DNAI7: variants seen among roughly 807,000 people sequenced by gnomAD.
DNAI7 encodes dynein axonemal intermediate chain 7.
DNAI7 carries 78 observed loss-of-function variants against 86.6 expected under a neutral mutation model. The observed-to-expected ratio is 0.90, with a 90% CI of 0.75 to 1.09. The LOEUF is 1.09. Ranked by LOEUF, DNAI7 falls within the 50% of genes least tolerant of loss-of-function variation. The pLI is 0.00. For synonymous variants in DNAI7, 274 were observed against 273.0 expected (o/e 1.00, Z -0.04); for missense variants, 753 against 810.2 (o/e 0.93, Z 0.86).
chr12:25,108,528 A>G lies in DNAI7; in HGVS notation c.*20T>C. The G allele has an allele frequency of 1.2e-6, 2 of 1,601,448 alleles. No homozygotes were observed. Among genetic ancestry groups the G allele is most frequent in the South Asian group, 1.1e-5 (1 of 89,526 alleles). On this transcript the variant is annotated 3_prime_UTR_variant, in exon 16 of 16. Transcript: ENST00000395987. ...CCATGCTTGGTTCTTCATACTTACA[A>G]TACAGTTTGTAAGTGGAGGTTAGGA...
chr12:25,118,673 T>C (rs747548747), intron 12 of DNAI7, among the ~76,000 whole-genome samples: 2 of 152,164 alleles, frequency 1.3e-5, no homozygotes, highest in Admixed American at 6.5e-5. Context: ...GCGATTCTCA[T>C]GCCTCAGACT....
intron 9 of DNAI7, among the ~76,000 whole-genome samples, chr12:25,132,957 T>C (rs550881507): frequency 1.3e-5 from 2 of 152,206 alleles, no homozygotes; most frequent in Non-Finnish European, 2.9e-5. Context: ...CTTTGTTTTA[T>C]AATGAGGTTT....
intron 1 of DNAI7, among the ~76,000 whole-genome samples, chr12:25,193,603 G>T (rs547341269): frequency 6.6e-6 from 1 of 152,170 alleles, no homozygotes; most frequent in Non-Finnish European, 1.5e-5. Flanking sequence ...CCTGGAATCT[G>T]CATTTTTAAC....
chr12:25,108,441 T>C lies in DNAI7; in HGVS notation c.*107A>G, dbSNP rs1433146985. On this transcript the variant is annotated 3_prime_UTR_variant, in exon 16 of 16. Coordinates refer to ENST00000395987, the MANE Select transcript of DNAI7 (RefSeq NM_018272.5). ...AAAATGCAGATTAGAAAATTTTTAA[T>C]AGTTGATTTGAAATGTATTCATTCA... 1 of 942,420 alleles carries C rather than the reference T, an allele frequency of 1.1e-6. No homozygotes were observed. The highest frequency in any genetic ancestry group is 3.5e-5 in the Admixed American group (1 of 28,732). 58.4% of individuals were successfully genotyped at this position (942,420 alleles called of 1,614,324 possible). A position where few individuals can be genotyped will look rare whatever the true frequency, so the allele number is the denominator to read the frequency against.
chr12:25,120,246 A>G lies in DNAI7; in HGVS notation c.1240-945T>C, dbSNP rs139583152. 6.6e-5 allele frequency among the ~76,000 whole-genome samples: 10 copies of G among 150,690 alleles called. 1 individual carries two copies. Among genetic ancestry groups the G allele is most frequent in the African/African-American group, 2.2e-4 (9 of 41,338 alleles). On this transcript the variant is annotated intron_variant, in intron 11 of 15. Coordinates refer to ENST00000395987, the MANE Select transcript of DNAI7 (RefSeq NM_018272.5). Reference sequence around the variant, plus strand: ...CTTAATGGATAGGACTGTGGGTGAGAAGTACCCAGCAATCTGTGTACAGGT... The same window carrying G: ...CTTAATGGATAGGACTGTGGGTGAGGAGTACCCAGCAATCTGTGTACAGGT...
chr12:25,174,001 A>ATCATATACATGGAATACATATC (rs1565808218), intron 2 of DNAI7, among the ~76,000 whole-genome samples: 1 of 146,392 alleles, frequency 6.8e-6, no homozygotes, highest in East Asian at 1.9e-4. Context: ...GAATACATAT[A>ATCATATACATGGAATACATATC]TCATATACAT....
At chr12:25,117,663 T>G (rs909762499) in intron 12 of DNAI7, among the ~76,000 whole-genome samples, 2 of 152,152 alleles carry the variant, frequency 1.3e-5, no homozygotes, top group African/African-American at 2.4e-5. Flanking sequence ...CTGTAGATAC[T>G]TATAATTTTA....
At chr12:25,112,701 T>C (rs886866502) in intron 13 of DNAI7, among the ~76,000 whole-genome samples, 4 of 150,122 alleles carry the variant, frequency 2.7e-5, no homozygotes, top group African/African-American at 2.5e-5. Context: ...CCACCACACC[T>C]AGCCTACACA....
At chr12:25,177,921 AT>A (rs144640451) in intron 2 of DNAI7, among the ~76,000 whole-genome samples, 16,555 of 152,186 alleles carry the variant, frequency 0.11, 1,210 homozygotes, top group Admixed American at 0.15. Context: ...TGCATTTCTA[AT>A]TCAATCTAAT....
chr12:25,126,971 A>C (rs1204335622), intron 9 of DNAI7, among the ~76,000 whole-genome samples: 1 of 152,264 alleles, frequency 6.6e-6, no homozygotes, highest in Non-Finnish European at 1.5e-5. Flanking sequence ...ACTTCACCTC[A>C]GCATGCAACA....
At chr12:25,171,808 T>C (rs1475469754) in intron 2 of DNAI7, among the ~76,000 whole-genome samples, 1 of 152,170 alleles carries the variant, frequency 6.6e-6, no homozygotes, top group Non-Finnish European at 1.5e-5. Context: ...GATGCAGGGA[T>C]GGTTTAACAT....
At position 25,148,910 on chromosome 12, in the gene DNAI7, A is replaced by G. The variant is rs75290705; in HGVS notation, c.585+718T>C. On this transcript the variant is annotated intron_variant, in intron 7 of 15. Transcript: ENST00000395987. Reference sequence around the variant, plus strand: ...AGAACTGAAATCCCACATCCTATTTATAGAATAAAAAGAAATCTGGTTCAT... The same window carrying G: ...AGAACTGAAATCCCACATCCTATTTGTAGAATAAAAAGAAATCTGGTTCAT... Among the ~76,000 whole-genome samples the G allele has an allele frequency of 2.1e-3, 320 of 152,304 alleles. 4 individuals are homozygous for G. The highest frequency in any genetic ancestry group is 7.5e-3 in the African/African-American group (312 of 41,562).
intron 14 of DNAI7, among the ~76,000 whole-genome samples, chr12:25,110,824 C>T (rs1290628785): frequency 2.6e-5 from 4 of 151,966 alleles, no homozygotes; most frequent in Non-Finnish European, 5.9e-5. Context: ...AAATGTTTTC[C>T]TTCGACTGTG....
chr12:25,113,885 C>A (rs970109537), intron 13 of DNAI7, among the ~76,000 whole-genome samples: 1 of 150,166 alleles, frequency 6.7e-6, no homozygotes, highest in Non-Finnish European at 1.5e-5. Flanking sequence ...AACCACTAAT[C>A]TACTTTTGTC....
Position 25,108,303 on chromosome 12 carries a change from G to GTTTATTGAAATAAAGAATCATTT in DNAI7, c.*222_*244dup. On this transcript the variant is annotated 3_prime_UTR_variant, in exon 16 of 16. Transcript: ENST00000395987. ...GAAATATTATATATTGTTTGTTAAA[G>GTTTATTGAAATAAAGAATCATTT]TTTATTGAAATAAAGAATCATTTAA... is the stretch of plus-strand genomic sequence containing the variant. The GTTTATTGAAATAAAGAATCATTT allele has an allele frequency of 1.8e-6, 1 of 546,552 alleles. No homozygotes were observed. Among genetic ancestry groups the GTTTATTGAAATAAAGAATCATTT allele is most frequent in the Non-Finnish European group, 3.1e-6 (1 of 322,326 alleles). The allele number at this position is 546,552 out of a possible 1,614,324, so 33.9% of individuals were successfully genotyped here. A position where few individuals can be genotyped will look rare whatever the true frequency, so the allele number is the denominator to read the frequency against.
Position 25,149,631 on chromosome 12 carries a change from G to C in DNAI7, c.582C>G (p.Leu194=). 4.4e-6 allele frequency: 7 copies of C among 1,599,640 alleles called. No individual in the cohort carries two copies. The highest frequency in any genetic ancestry group is 6.0e-6 in the Non-Finnish European group (7 of 1,173,216). The change falls in exon 7 of 16, where the codon CTC becomes CTG. Residue 194 remains leucine, a synonymous_variant. Coordinates refer to ENST00000395987, the MANE Select transcript of DNAI7 (RefSeq NM_018272.5). Reference sequence around the variant, plus strand: ...ATAAGCAAAATATCACACTTACTTTGAGAAGTATTTCTGTGGCTACACCGA... The same window carrying C: ...ATAAGCAAAATATCACACTTACTTTCAGAAGTATTTCTGTGGCTACACCGA... The part of the protein sequence containing the change: ...LKFGVATEIL[L]KQASTLADLD...
intron 2 of DNAI7, among the ~76,000 whole-genome samples, chr12:25,166,821 C>A (rs1052419029): frequency 6.6e-6 from 1 of 152,128 alleles, no homozygotes. Context: ...CTTTTAGAGG[C>A]CCTAAAAATC....
intron 2 of DNAI7, among the ~76,000 whole-genome samples, chr12:25,163,939 C>T (rs748730697): frequency 2.6e-5 from 4 of 152,284 alleles, no homozygotes; most frequent in South Asian, 2.1e-4. Flanking sequence ...CCCAAAACTC[C>T]GGTGCTGGTC....
At chr12:25,110,354 G>C (rs1425968113) in intron 14 of DNAI7, 114 bp from the exon 15 acceptor site, 1 of 652,862 alleles carries the variant, frequency 1.5e-6, no homozygotes, top group South Asian at 1.8e-5. Context: ...AAAATTGTAA[G>C]TCAGAGTACA....
Sources: gnomAD v4.1 joint callset for allele counts (sites outside exome capture counted in the v4.1 genomes callset) on GRCh38, gnomAD v4.1.1 for gene constraint, MANE v1.5 for transcripts, NCBI Gene and HGNC (gene_info 2026-07-23, HGNC 2026-07-21) for gene names.